The following KPNA4 variants were observed in gnomAD, a reference collection of about 807,000 sequenced individuals.
KPNA4 encodes importin subunit alpha-3.
KPNA4 carries 13 observed loss-of-function variants against 71.3 expected under a neutral mutation model. That is an observed-to-expected ratio of 0.18 (90% CI 0.12 to 0.29). KPNA4 has a LOEUF of 0.29. Among genes scored for constraint, KPNA4 ranks in the 10% least tolerant of loss-of-function variants. KPNA4 has a pLI of 1.00. For synonymous variants in KPNA4, 189 were observed against 195.2 expected (o/e 0.97, Z 0.26); for missense variants, 334 against 603.2 (o/e 0.55, Z 4.67).
At position 160,501,102 on chromosome 3, in the gene KPNA4, G is replaced by A. The variant is rs1285799494; in HGVS notation, c.*1002C>T. On this transcript the variant is annotated 3_prime_UTR_variant, in exon 17 of 17. Transcript: ENST00000334256. ...TGTACTGCAACACAGTCTATTTTGA[G>A]GGAAATTTATGATTTTTTTCATGCA... is the stretch of plus-strand genomic sequence containing the variant. 1 of 152,124 alleles carries A rather than the reference G, an allele frequency of 6.6e-6. No individual in the cohort carries two copies. Among genetic ancestry groups the A allele is most frequent in the Non-Finnish European group, 1.5e-5 (1 of 67,958 alleles). 9.4% of individuals were successfully genotyped at this position (152,124 alleles called of 1,614,324 possible).
At chr3:160,557,268 C>T (rs1003551618) in intron 1 of KPNA4, among the ~76,000 whole-genome samples, 1 of 152,076 alleles carries the variant, frequency 6.6e-6, no homozygotes, top group Non-Finnish European at 1.5e-5. Context: ...TACAACCAAG[C>T]AGAGACCACT....
chr3:160,553,331 G>A (rs975104927), intron 1 of KPNA4, among the ~76,000 whole-genome samples: 8 of 152,198 alleles, frequency 5.3e-5, no homozygotes, highest in Non-Finnish European at 7.3e-5. Context: ...AAGCCAATCC[G>A]TAAGCAGGCC....
chr3:160,562,153 T>C (rs1245617419), intron 1 of KPNA4, among the ~76,000 whole-genome samples: 2 of 152,168 alleles, frequency 1.3e-5, no homozygotes, highest in South Asian at 2.1e-4. Flanking sequence ...TCCAATAAGG[T>C]AGCCACTAAC....
chr3:160,526,096 G>A lies in KPNA4; in HGVS notation c.568C>T (p.Gln190Ter). The A allele has an allele frequency of 1.9e-6, 3 of 1,540,956 alleles. No homozygotes were observed. The highest frequency in any genetic ancestry group is 1.3e-5 in the South Asian group (1 of 76,208). Residue 190 changes from glutamine to a stop codon, truncating the protein, a stop_gained, in exon 9 of 17, where the codon CAG becomes TAG. Transcript: ENST00000334256. LOFTEE classifies it high-confidence loss of function. ...ALGNIIGDGP[Q>*]CRDYVISLGV... ...AGACTTATGACATAATCTCTACACT[G>A]GGGCCCATCACCTGTAGAAAAAAAG...
intron 1 of KPNA4, among the ~76,000 whole-genome samples, chr3:160,545,035 CT>C (rs1721878017): frequency 6.6e-6 from 1 of 152,202 alleles, no homozygotes. Context: ...AATACCAAAG[CT>C]TAGATATCCT....
At chr3:160,504,583 C>A (rs1433157914) in intron 16 of KPNA4, among the ~76,000 whole-genome samples, 1 of 152,116 alleles carries the variant, frequency 6.6e-6, no homozygotes, top group African/African-American at 2.4e-5. Context: ...GACAACCCAT[C>A]AAGTGTGGAT....
At position 160,517,445 on chromosome 3, in the gene KPNA4, A is replaced by G. The variant is rs568461566; in HGVS notation, c.904-1865T>C. 2.9e-4 allele frequency among the ~76,000 whole-genome samples: 44 copies of G among 152,138 alleles called. 1 individual carries two copies. In the South Asian group the frequency reaches 4.3e-3, roughly 15 times the overall value. ...TGCTTGTGTATAAATTTTTGTGTGG[A>G]TATGCATTTTCATTTCTCTTGGGTA... On this transcript the variant is annotated intron_variant, in intron 11 of 16. Coordinates refer to ENST00000334256, the MANE Select transcript of KPNA4 (RefSeq NM_002268.5).
intron 1 of KPNA4, among the ~76,000 whole-genome samples, chr3:160,562,091 T>A (rs9862595): frequency 0.58 from 87,476 of 151,904 alleles, 25,935 homozygotes; most frequent in African/African-American, 0.67. Flanking sequence ...TGTTAGATCA[T>A]AATATGCTAC....
chr3:160,514,193 G>A lies in KPNA4; in HGVS notation c.1033-12C>T. ...AACCACACTGCTTCCTGTAGAACAA[G>A]AGCATTTGAATATTTCTCATTAAAA... is the stretch of plus-strand genomic sequence containing the variant. On this transcript the variant is annotated splice_polypyrimidine_tract_variant and intron_variant, in intron 12 of 16. Coordinates refer to ENST00000334256, the MANE Select transcript of KPNA4 (RefSeq NM_002268.5). The A allele has an allele frequency of 1.3e-6, 2 of 1,566,206 alleles. No homozygotes were observed. The highest frequency in any genetic ancestry group is 1.7e-6 in the Non-Finnish European group (2 of 1,156,364).
At chr3:160,518,735 C>T (rs1721284243) in intron 11 of KPNA4, among the ~76,000 whole-genome samples, 1 of 151,860 alleles carries the variant, frequency 6.6e-6, no homozygotes, top group South Asian at 2.1e-4. Context: ...GTAGCAGGCA[C>T]CTGTAATCTC....
chr3:160,560,987 C>G (rs1189648987), intron 1 of KPNA4, among the ~76,000 whole-genome samples: 1 of 151,786 alleles, frequency 6.6e-6, no homozygotes, highest in African/African-American at 2.4e-5. Context: ...TACACTTTAA[C>G]AAATCACTGA....
Position 160,508,304 on chromosome 3 carries a change from T to C in KPNA4, c.1210-35A>G, listed in dbSNP as rs373322796. 6 of 1,467,744 alleles carry C rather than the reference T, an allele frequency of 4.1e-6. No individual in the cohort carries two copies. In the African/African-American group the frequency reaches 5.7e-5, roughly 14 times the overall value. The allele number at this position is 1,467,744 out of a possible 1,614,324, so 90.9% of individuals were successfully genotyped here. On this transcript the variant is annotated intron_variant, in intron 14 of 16. Transcript: ENST00000334256. ...AAAAACAACATAAAATAATGCAATA[T>C]AGGTAAACTTTGTGTGCCATGTTAT...
rs1190756823 is a variant in KPNA4, at chr3:160,499,006, C to T, written c.*3098G>A. On this transcript the variant is annotated 3_prime_UTR_variant, in exon 17 of 17. Transcript: ENST00000334256. ...CCCCATAAATTACTGTTACAATAAA[C>T]CCAGTCATTTTACAATGCAGTTATA... is the stretch of plus-strand genomic sequence containing the variant. The T allele has an allele frequency of 1.3e-5, 2 of 152,144 alleles. No individual in the cohort carries two copies. The highest frequency in any genetic ancestry group is 2.9e-5 in the Non-Finnish European group (2 of 68,030). 9.4% of individuals were successfully genotyped at this position (152,144 alleles called of 1,614,324 possible). A position where few individuals can be genotyped will look rare whatever the true frequency, so the allele number is the denominator to read the frequency against.
chr3:160,511,839 T>A (rs1227516992), intron 13 of KPNA4, among the ~76,000 whole-genome samples: 1 of 151,666 alleles, frequency 6.6e-6, no homozygotes, highest in Non-Finnish European at 1.5e-5. Context: ...TTGACATGTA[T>A]CCACAGATCT....
At chr3:160,563,844 T>C (rs1225647650) in intron 1 of KPNA4, among the ~76,000 whole-genome samples, 2 of 152,082 alleles carry the variant, frequency 1.3e-5, no homozygotes, top group Non-Finnish European at 2.9e-5. Flanking sequence ...ACAATGGTAA[T>C]ATGTTAACCT....
At chr3:160,521,202 G>A (rs909289232) in intron 11 of KPNA4, among the ~76,000 whole-genome samples, 1 of 152,082 alleles carries the variant, frequency 6.6e-6, no homozygotes, top group Non-Finnish European at 1.5e-5. Context: ...AAGTGAAAGA[G>A]GAAGAACAAA....
At chr3:160,526,597 C>T (rs1226337668) in intron 8 of KPNA4, among the ~76,000 whole-genome samples, 1 of 152,192 alleles carries the variant, frequency 6.6e-6, no homozygotes, top group Non-Finnish European at 1.5e-5. Context: ...GAAGCAGAAA[C>T]TCTATGGGTT....
rs775120322 is a variant in KPNA4 at position 160,551,317 on chromosome 3, T to C, written c.69+13897A>G. ...TTTCTCTACAAAAACATATGAAAAG[T>C]AAAAACACTGTCTTACAGAAGAAAA... is the stretch of plus-strand genomic sequence containing the variant. On this transcript the variant is annotated intron_variant, in intron 1 of 16. Coordinates refer to ENST00000334256, the MANE Select transcript of KPNA4 (RefSeq NM_002268.5). Among the ~76,000 whole-genome samples, 117 of 152,148 alleles carry C rather than the reference T, an allele frequency of 7.7e-4. 1 individual carries two copies. Among genetic ancestry groups the C allele is most frequent in the Admixed American group, 3.9e-4 (6 of 15,268 alleles).
intron 11 of KPNA4, among the ~76,000 whole-genome samples, chr3:160,518,337 G>A (rs1293063368): frequency 4.0e-5 from 6 of 149,714 alleles, no homozygotes; most frequent in Non-Finnish European, 6.0e-5. Context: ...GGGTTTCACC[G>A]TGTTAGCCAG....
Sources: gnomAD v4.1 joint callset for allele counts (sites outside exome capture counted in the v4.1 genomes callset) on GRCh38, gnomAD v4.1.1 for gene constraint, MANE v1.5 for transcripts, NCBI Gene and HGNC (gene_info 2026-07-23, HGNC 2026-07-21) for gene names.